The following C5 variants were observed in gnomAD, a reference collection of about 807,000 sequenced individuals.
C5 encodes the protein C3 and PZP-like alpha-2-macroglobulin domain-containing protein 4.
In C5, 140 loss-of-function variants were observed where a neutral mutation model predicts 218.8. The observed-to-expected ratio is 0.64, with a 90% CI of 0.56 to 0.74. The LOEUF (loss-of-function observed/expected upper bound fraction) is 0.74. Among genes scored for constraint, C5 ranks in the 30% least tolerant of loss-of-function variants. C5 has a pLI of 0.00. For synonymous variants in C5, 614 were observed against 682.3 expected, an observed-to-expected ratio of 0.90 and a Z score of 1.56; for missense variants, 1,700 against 1,969.6, an observed-to-expected ratio of 0.86 and a Z score of 2.59.
At chr9:121,059,616 CCT>C in the C5 span, among the ~76,000 whole-genome samples, 1 of 152,244 alleles carries the variant, frequency 6.6e-6, no homozygotes, top group Non-Finnish European at 1.5e-5. The surrounding 1 kb of genome is among the most constrained non-coding windows in gnomAD (Gnocchi z 4.1). Flanking sequence ...CGTATTCATG[CCT>C]CTGTGTGGTC....
chr9:121,017,441 A>C lies in C5; in HGVS notation c.1787T>G (p.Met596Arg), dbSNP rs1459076278. 6.2e-7 allele frequency: 1 copy of C among 1,614,018 alleles called. No individual in the cohort carries two copies. The highest frequency in any genetic ancestry group is 1.7e-5 in the Admixed American group (1 of 60,020). The change falls in exon 14 of 41, where the codon ATG (methionine) becomes AGG (arginine). Residue 596 changes from methionine to arginine, a missense_variant. Physicochemically the swap from Met to Arg is moderately conservative, Grantham distance 91. Coordinates refer to ENST00000223642, the MANE Select transcript of C5 (RefSeq NM_001735.3). ...TGCTGCTAATGCCACCCAGGAATCC[A>C]TTCCAGTTGCCATATTAAGAGACAC... ...QTVSLNMATG[M>R]DSWVALAAVD...
Position 121,030,472 on chromosome 9 carries a change from GA to G in C5, c.682del (p.Ser228LeufsTer23). ...ATTATATTCTGGCTCGATTGAGACA[GA>G]AAAATGTGGCAAGACTGAAAATAAA... The part of the protein sequence containing the change: ...EVKEYVLPHF[S>X]VSIEPEYNFI... On this transcript the variant is annotated frameshift_variant, in exon 7 of 41. Transcript: ENST00000223642. LOFTEE classifies it high-confidence loss of function. 1.3e-6 allele frequency: 2 copies of G among 1,546,516 alleles called. No individual in the cohort carries two copies. Among genetic ancestry groups the G allele is most frequent in the Non-Finnish European group, 1.8e-6 (2 of 1,141,630 alleles).
At chr9:121,045,011 G>A (rs551283060) in intron 2 of C5, among the ~76,000 whole-genome samples, 3 of 148,496 alleles carry the variant, frequency 2.0e-5, no homozygotes, top group Non-Finnish European at 4.4e-5. Flanking sequence ...GTGCAGTGGC[G>A]CGATCTTGGC....
chr9:121,036,516 C>A (rs889837638), intron 4 of C5, among the ~76,000 whole-genome samples: 2 of 152,224 alleles, frequency 1.3e-5, no homozygotes, highest in African/African-American at 2.4e-5. Flanking sequence ...GCTGACATTG[C>A]TCTCCTTAGT....
In C5 at chr9:121,023,488, G is replaced by T; in HGVS notation, c.1032C>A (p.Gly344=). The T allele has an allele frequency of 6.2e-7, 1 of 1,613,310 alleles. No homozygotes were observed. The highest frequency in any genetic ancestry group is 8.5e-7 in the Non-Finnish European group (1 of 1,179,226). ...GGFSEEAEIP[G]IKYVLSPYKL... ...TGTAGGGAGAGAGGACATATTTGAT[G>T]CCAGGTATTTCTGCCTCTTCAGAAA... is the stretch of plus-strand genomic sequence containing the variant. Residue 344 remains glycine (G), a synonymous_variant, in exon 10 of 41, where the codon GGC becomes GGA. Coordinates refer to ENST00000223642, the MANE Select transcript of C5 (RefSeq NM_001735.3).
the C5 span, among the ~76,000 whole-genome samples, chr9:121,064,036 G>C: frequency 2.0e-5 from 3 of 152,128 alleles, no homozygotes; most frequent in Non-Finnish European, 4.4e-5. Flanking sequence ...AATCTCACCA[G>C]CATTGACCTA....
At chr9:120,982,098 G>A (rs1213021378) in intron 26 of C5, among the ~76,000 whole-genome samples, 159 bp from the exon 27 acceptor site, 5 of 152,140 alleles carry the variant, frequency 3.3e-5, no homozygotes, top group East Asian at 1.9e-4. Flanking sequence ...TGCAACCTCC[G>A]CCTCCCGGGT....
At position 121,027,263 on chromosome 9, in the gene C5, T is replaced by G. The variant is rs767594690; in HGVS notation, c.770A>C (p.Asn257Thr). 2 of 1,480,134 alleles carry G rather than the reference T, an allele frequency of 1.4e-6. No individual in the cohort carries two copies. Among genetic ancestry groups the G allele is most frequent in the South Asian group, 2.3e-5 (2 of 87,322 alleles). The allele number at this position is 1,480,134 out of a possible 1,614,324, so 91.7% of individuals were successfully genotyped here. A position where few individuals can be genotyped will look rare whatever the true frequency, so the allele number is the denominator to read the frequency against. The change falls in exon 8 of 41, where the codon AAT becomes ACT. Residue 257 changes from asparagine to threonine, a missense_variant. Transcript: ENST00000223642. The stretch of plus-strand genomic sequence containing the variant: ...AACGTCAGCCTCAGTGACTACTTTA[T>G]TATAAAAATATCTGTCAGACAATAG... The part of the protein sequence containing the change: ...EITIKARYFY[N>T]KVVTEADVYI...
At chr9:120,967,688 C>T (rs960259696) in intron 33 of C5, among the ~76,000 whole-genome samples, 3 of 152,020 alleles carry the variant, frequency 2.0e-5, no homozygotes, top group African/African-American at 7.2e-5. Flanking sequence ...AAAGTATATA[C>T]ATATTTTCAA....
the C5 span, among the ~76,000 whole-genome samples, chr9:121,058,650 G>T: frequency 0.75 from 113,977 of 151,912 alleles, 43,121 homozygotes; most frequent in East Asian, 0.96. Context: ...TATTGGCCAG[G>T]CTGGCCTCCA....
At chr9:121,017,914 G>A in intron 12 of C5, 62 bp from the exon 13 acceptor site, 1 of 1,021,658 alleles carries the variant, frequency 9.8e-7, no homozygotes, top group Non-Finnish European at 1.5e-6. Context: ...CAAAACCTGT[G>A]CTTTAGGATG....
At chr9:120,995,642 AATT>A (rs1365610557) in intron 22 of C5, among the ~76,000 whole-genome samples, 2 of 152,080 alleles carry the variant, frequency 1.3e-5, no homozygotes, top group Non-Finnish European at 2.9e-5. Flanking sequence ...ATATATTATA[AATT>A]ATTATTGTGA....
the C5 span, among the ~76,000 whole-genome samples, chr9:121,063,250 A>G: frequency 6.6e-6 from 1 of 150,618 alleles, no homozygotes; most frequent in Non-Finnish European, 1.5e-5. Context: ...GATAATCTCA[A>G]TTGATCTATC....
chr9:121,050,400 C>A (rs1032526508), upstream of C5: 4 of 676,328 alleles, frequency 5.9e-6, no homozygotes, highest in African/African-American at 5.4e-5. Context: ...ACTAAAACAC[C>A]CTTTCATGCC....
intron 3 of C5, among the ~76,000 whole-genome samples, chr9:121,038,273 C>T (rs2047547567): frequency 6.6e-6 from 1 of 151,980 alleles, no homozygotes; most frequent in African/African-American, 2.4e-5. Context: ...GTAATTAGGC[C>T]ATTATTTATT....
At chr9:121,051,475 T>G (rs1400684521), upstream of C5, among the ~76,000 whole-genome samples, 2 of 152,144 alleles carry the variant, frequency 1.3e-5, no homozygotes, top group African/African-American at 4.8e-5. Context: ...TAGAATTTTT[T>G]TATTTACTAC....
Position 120,957,324 on chromosome 9 carries a change from C to T in C5, c.4723G>A (p.Val1575Ile), listed in dbSNP as rs1165664922. Reference protein sequence around the residue: ...ITSITVENVFVKYKATLLDIY... With the variant: ...ITSITVENVFIKYKATLLDIY... ...TCCAGAAGGGTTGCCTTGTACTTGA[C>T]AAAAACATTTTCTACAGTGATGGAT... Residue 1575 changes from valine (V) to isoleucine (I), a missense_variant, in exon 39 of 41, where the codon GTC becomes ATC. By Grantham distance (29) the Val-to-Ile change is conservative. Transcript: ENST00000223642. The T allele has an allele frequency of 6.2e-7, 1 of 1,613,132 alleles. No individual in the cohort carries two copies. The highest frequency in any genetic ancestry group is 1.3e-5 in the African/African-American group (1 of 75,004).
the C5 span, among the ~76,000 whole-genome samples, chr9:121,071,033 G>C: frequency 6.6e-6 from 1 of 152,022 alleles, no homozygotes; most frequent in Non-Finnish European, 1.5e-5. Flanking sequence ...ATTAAGGTTG[G>C]GTATGGTGAC....
At chr9:121,036,871 T>G (rs1048545786) in intron 4 of C5, among the ~76,000 whole-genome samples, 1 of 152,140 alleles carries the variant, frequency 6.6e-6, no homozygotes, top group African/African-American at 2.4e-5. Context: ...AGTTTTTATT[T>G]TTATTTTTTG....
Sources: allele counts gnomAD v4.1 joint callset (sites outside exome capture counted in the v4.1 genomes callset), GRCh38; gene constraint gnomAD v4.1.1; non-coding constraint Gnocchi (gnomAD v3.1); transcripts MANE v1.5; gene names NCBI Gene and HGNC (gene_info 2026-07-23, HGNC 2026-07-21).